MFAP3: variants seen among roughly 807,000 people sequenced by gnomAD.
MFAP3 encodes microfibril associated protein 3.
Under a neutral mutation model 20.5 loss-of-function variants are expected in MFAP3, and 8 were observed. That is an observed-to-expected ratio of 0.39 (90% confidence interval 0.23 to 0.70). MFAP3 has a LOEUF of 0.70. MFAP3 is among the 30% of genes least tolerant of loss of function. The pLI is 0.44. For missense variants in MFAP3, 398 were observed against 444.6 expected, an observed-to-expected ratio of 0.90 and a Z score of 0.94; for synonymous variants, 140 against 154.0, an observed-to-expected ratio of 0.91 and a Z score of 0.67.
intron 1 of MFAP3, among the ~76,000 whole-genome samples, chr5:154,047,001 G>A (rs983512676): frequency 5.3e-5 from 8 of 152,130 alleles, no homozygotes; most frequent in African/African-American, 1.9e-4. Context: ...ATCAGACGCA[G>A]CATTTTTGGC....
chr5:154,044,216 A>G (rs1171199892), intron 1 of MFAP3, among the ~76,000 whole-genome samples: 2 of 152,226 alleles, frequency 1.3e-5, no homozygotes, highest in East Asian at 1.9e-4. Context: ...TTTTAAAGTC[A>G]TTAGTCTAGA....
Position 154,056,417 on chromosome 5 carries a change from T to C in MFAP3, c.*2704T>C, listed in dbSNP as rs1178678856. Among the ~76,000 whole-genome samples, 1 of 152,228 alleles carries C rather than the reference T, an allele frequency of 6.6e-6. No homozygotes were observed. The highest frequency in any genetic ancestry group is 1.5e-5 in the Non-Finnish European group (1 of 68,044). ...ATGTTTTCTGTATCTAATCAAATAC[T>C]CTTCATATATAATTAAGCCTCATGT... On this transcript the variant is annotated 3_prime_UTR_variant, in exon 3 of 3. Transcript: ENST00000522782.
At position 154,052,918 on chromosome 5, in the gene MFAP3, AG is replaced by A; in HGVS notation, c.296del. ...TTTTTTTCATTTCTGTTCAATTATC[AG>A]GTGGAAAGTGGTTGGTTTCTGATAA... On this transcript the variant is annotated splice_acceptor_variant, in intron 2 of 2. Transcript: ENST00000522782. LOFTEE classifies it high-confidence loss of function. The A allele has an allele frequency of 6.3e-7, 1 of 1,597,064 alleles. No individual in the cohort carries two copies. Among genetic ancestry groups the A allele is most frequent in the Non-Finnish European group, 8.5e-7 (1 of 1,170,132 alleles).
rs1014242972 is a variant in MFAP3, at chr5:154,054,048, T to C, written c.*335T>C. Reference sequence around the variant, plus strand: ...TTCCATTGGTTGGATCTGATACTTATCTTGGGACTTCAGTTTTTCCGTCAA... The same window carrying C: ...TTCCATTGGTTGGATCTGATACTTACCTTGGGACTTCAGTTTTTCCGTCAA... On this transcript the variant is annotated 3_prime_UTR_variant, in exon 3 of 3. Coordinates refer to ENST00000522782, the MANE Select transcript of MFAP3 (RefSeq NM_005927.5). 5 of 219,450 alleles carry C rather than the reference T, an allele frequency of 2.3e-5. No homozygotes were observed. Among genetic ancestry groups the C allele is most frequent in the Admixed American group, 5.2e-5 (1 of 19,122 alleles). The allele number at this position is 219,450 out of a possible 1,614,324, so 13.6% of individuals were successfully genotyped here. A position where few individuals can be genotyped will look rare whatever the true frequency, so the allele number is the denominator to read the frequency against.
rs1773134050 is a variant in MFAP3 at position 154,049,582 on chromosome 5, T to G, written c.-141T>G. The G allele has an allele frequency of 1.5e-5, 12 of 819,422 alleles. No individual in the cohort carries two copies. The highest frequency in any genetic ancestry group is 2.1e-5 in the Non-Finnish European group (11 of 535,568). The allele number at this position is 819,422 out of a possible 1,614,324, so 50.8% of individuals were successfully genotyped here. On this transcript the variant is annotated 5_prime_UTR_variant, in exon 2 of 3. Coordinates refer to ENST00000522782, the MANE Select transcript of MFAP3 (RefSeq NM_005927.5). The stretch of plus-strand genomic sequence containing the variant: ...GTTCTCTACTCACATCTTTTAATCT[T>G]GAAGACTAGAAAATATAACTGGATC...
At chr5:154,045,881 A>G (rs1773063027) in intron 1 of MFAP3, among the ~76,000 whole-genome samples, 1 of 152,232 alleles carries the variant, frequency 6.6e-6, no homozygotes, top group Non-Finnish European at 1.5e-5. Flanking sequence ...TATATCTCTC[A>G]TTGGAAATAT....
chr5:154,042,126 G>T (rs1772968050), intron 1 of MFAP3, among the ~76,000 whole-genome samples: 1 of 152,158 alleles, frequency 6.6e-6, no homozygotes, highest in South Asian at 2.1e-4. Flanking sequence ...CTGTTCATAA[G>T]CTGAACAAGT....
chr5:154,043,178 C>G (rs1475430475), intron 1 of MFAP3, among the ~76,000 whole-genome samples: 1 of 152,100 alleles, frequency 6.6e-6, no homozygotes, highest in Non-Finnish European at 1.5e-5. Flanking sequence ...ATTCTGTATA[C>G]CTGAAAGATG....
At position 154,053,625 on chromosome 5, in the gene MFAP3, G is replaced by A; in HGVS notation, c.1001G>A (p.Ser334Asn). ...TKSIDTESQG[S>N]SHFSPPDDIG... ...AGTATTGATACAGAGTCTCAAGGCAGCAGTCATTTCAGTCCACCTGATGAT... is the reference window on the plus strand; with the variant it reads ...AGTATTGATACAGAGTCTCAAGGCAACAGTCATTTCAGTCCACCTGATGAT... Residue 334 changes from serine to asparagine, a missense_variant, in exon 3 of 3, where the codon AGC becomes AAC. Transcript: ENST00000522782. 6.2e-7 allele frequency: 1 copy of A among 1,613,944 alleles called. No individual in the cohort carries two copies. Among genetic ancestry groups the A allele is most frequent in the Non-Finnish European group, 8.5e-7 (1 of 1,179,900 alleles).
At chr5:154,047,482 T>A (rs1773093399) in intron 1 of MFAP3, among the ~76,000 whole-genome samples, 1 of 152,122 alleles carries the variant, frequency 6.6e-6, no homozygotes, top group Admixed American at 6.5e-5. Context: ...GAGGTGGCAT[T>A]AAAATAAACT....
At position 154,056,641 on chromosome 5, in the gene MFAP3, T is replaced by A. The variant is rs1680298892; in HGVS notation, c.*2928T>A. 6.6e-6 allele frequency among the ~76,000 whole-genome samples: 1 copy of A among 152,240 alleles called. No individual in the cohort carries two copies. The highest frequency in any genetic ancestry group is 2.1e-4 in the South Asian group (1 of 4,830). On this transcript the variant is annotated 3_prime_UTR_variant, in exon 3 of 3. Coordinates refer to ENST00000522782, the MANE Select transcript of MFAP3 (RefSeq NM_005927.5). The stretch of plus-strand genomic sequence containing the variant: ...GATATAGTGAACCTTATTGTCCTTA[T>A]GAAATGGTAGCTTTGTGAAATACAT...
intron 1 of MFAP3, among the ~76,000 whole-genome samples, chr5:154,046,770 C>G (rs576154852): frequency 2.6e-5 from 4 of 152,254 alleles, no homozygotes; most frequent in African/African-American, 9.6e-5. Context: ...GCAGGAAGAC[C>G]GAATCCATTT....
chr5:154,045,938 T>A (rs533653225), intron 1 of MFAP3, among the ~76,000 whole-genome samples: 5 of 152,184 alleles, frequency 3.3e-5, no homozygotes, highest in Admixed American at 3.3e-4. Flanking sequence ...CAGAGGAAAT[T>A]GAGGAACTGT....
In MFAP3 at chr5:154,057,272, C is replaced by G. The variant is rs1773353807; in HGVS notation, c.*3559C>G. Among the ~76,000 whole-genome samples, 1 of 152,134 alleles carries G rather than the reference C, an allele frequency of 6.6e-6. No individual in the cohort carries two copies. The highest frequency in any genetic ancestry group is 1.5e-5 in the Non-Finnish European group (1 of 68,026). Reference sequence around the variant, plus strand: ...AAATGCTCAGCCTTACATAGAAACTCCTAGATTTTCACTAACGCATTTCAC... The same window carrying G: ...AAATGCTCAGCCTTACATAGAAACTGCTAGATTTTCACTAACGCATTTCAC... On this transcript the variant is annotated 3_prime_UTR_variant, in exon 3 of 3. Coordinates refer to ENST00000522782, the MANE Select transcript of MFAP3 (RefSeq NM_005927.5).
intron 1 of MFAP3, among the ~76,000 whole-genome samples, chr5:154,047,895 T>G (rs4958691): frequency 6.6e-6 from 1 of 152,188 alleles, no homozygotes; most frequent in East Asian, 1.9e-4. Flanking sequence ...CCTGTCACCG[T>G]TGAGAACCAC....
chr5:154,044,879 C>G (rs567636058), intron 1 of MFAP3, among the ~76,000 whole-genome samples: 2 of 151,932 alleles, frequency 1.3e-5, no homozygotes, highest in Admixed American at 1.3e-4. Context: ...TTTGCACATT[C>G]ATCTTCACTT....
At position 154,049,866 on chromosome 5, in the gene MFAP3, T is replaced by TGG; in HGVS notation, c.145_146insGG (p.Glu49GlyfsTer15). The stretch of plus-strand genomic sequence containing the variant: ...ACAATGCATCCTTTCCCTCAAGCTT[T>TGG]GAACTCTCAGCAAGTTCCCACTCGG... On this transcript the variant is annotated frameshift_variant, in exon 2 of 3. Coordinates refer to ENST00000522782, the MANE Select transcript of MFAP3 (RefSeq NM_005927.5). LOFTEE classifies it high-confidence loss of function. 6.2e-7 allele frequency: 1 copy of TGG among 1,613,706 alleles called. No homozygotes were observed. The highest frequency in any genetic ancestry group is 8.5e-7 in the Non-Finnish European group (1 of 1,179,730).
intron 1 of MFAP3, among the ~76,000 whole-genome samples, chr5:154,042,741 C>T (rs1013571949): frequency 6.6e-6 from 1 of 151,946 alleles, no homozygotes; most frequent in African/African-American, 2.4e-5. Context: ...TGTGACAGTG[C>T]AGGCAGAGAA....
chr5:154,053,379 T>C lies in MFAP3; in HGVS notation c.755T>C (p.Val252Ala), dbSNP rs752379945. Residue 252 changes from valine to alanine, a missense_variant, in exon 3 of 3, where the codon GTT (valine) becomes GCT (alanine). Coordinates refer to ENST00000522782, the MANE Select transcript of MFAP3 (RefSeq NM_005927.5). The part of the protein sequence containing the change: ...PPLILNCRAF[V>A]EEMFEAVRVD... Reference sequence around the variant, plus strand: ...CTTATTCTAAACTGTCGAGCCTTTGTTGAGGAGATGTTTGAGGCTGTGCGA... The same window carrying C: ...CTTATTCTAAACTGTCGAGCCTTTGCTGAGGAGATGTTTGAGGCTGTGCGA... 1 of 1,613,994 alleles carries C rather than the reference T, an allele frequency of 6.2e-7. No individual in the cohort carries two copies.
Sources: gnomAD v4.1 joint callset for allele counts (sites outside exome capture counted in the v4.1 genomes callset) on GRCh38, gnomAD v4.1.1 for gene constraint, MANE v1.5 for transcripts, NCBI Gene and HGNC (gene_info 2026-07-23, HGNC 2026-07-21) for gene names.